The following YBEY variants were observed in gnomAD, a reference collection of about 807,000 sequenced individuals.
The protein encoded by YBEY is ybeY metalloendoribonuclease, also known as endoribonuclease YbeY.
In YBEY, 15 loss-of-function variants were observed where a neutral mutation model predicts 13.5. The ratio of observed to expected loss-of-function variants is 1.11; its 90% CI spans 0.75 to 1.72. YBEY has a LOEUF of 1.72. Ranked by LOEUF, YBEY falls within the 40% of genes most tolerant of loss-of-function variation. YBEY has a pLI of 0.00. For synonymous variants in YBEY, 101 were observed against 83.1 expected, an observed-to-expected ratio of 1.21 and a Z score of -1.17; for missense variants, 244 against 208.4, an observed-to-expected ratio of 1.17 and a Z score of -1.05.
At chr21:46,296,864 C>G (rs2081969412) in intron 4 of YBEY, among the ~76,000 whole-genome samples, 1 of 151,818 alleles carries the variant, frequency 6.6e-6, no homozygotes, top group South Asian at 2.1e-4. Flanking sequence ...CCTGGTGGTG[C>G]ATGCCTGTAA....
At chr21:46,306,507 A>C in the YBEY span, among the ~76,000 whole-genome samples, 1 of 152,116 alleles carries the variant, frequency 6.6e-6, no homozygotes, top group Admixed American at 6.6e-5. Flanking sequence ...TCGAAAAAAA[A>C]AATCTTTTAT....
chr21:46,299,750 G>GCCCCCCCCACCCCCCCCCCCCCCC (rs1555923145), downstream of YBEY, among the ~76,000 whole-genome samples: 1 of 147,268 alleles, frequency 6.8e-6, no homozygotes, highest in Non-Finnish European at 1.5e-5. Flanking sequence ...TGTGCCCTGA[G>GCCCCCCCCACCCCCCCCCCCCCCC]CCCCCCCCAC....
intron 3 of YBEY, 53 bp from the exon 4 acceptor site, chr21:46,296,109 G>A (rs562960312): frequency 1.2e-6 from 2 of 1,608,460 alleles, no homozygotes; most frequent in South Asian, 1.1e-5. Flanking sequence ...GGCCCTGAAG[G>A]GGCAGGTTCC....
intron 1 of YBEY, chr21:46,286,634 CCTT>C (rs2081446245): frequency 3.5e-6 from 1 of 283,446 alleles, no homozygotes; most frequent in African/African-American, 2.2e-5. Context: ...CAACCCGCCC[CCTT>C]TTCTCTGGGA....
chr21:46,305,739 A>C, the YBEY span, among the ~76,000 whole-genome samples: 2 of 151,032 alleles, frequency 1.3e-5, no homozygotes, highest in Admixed American at 1.3e-4. Context: ...GAAGATCGAG[A>C]CCATCCTGGC....
In YBEY at chr21:46,297,677, G is replaced by C. The variant is rs2081999159; in HGVS notation, c.*43G>C. ...AAAGCGGGACGCGGGAGGGGTGGAG[G>C]CTGCGGGGAGCCGGGGTCGCACACG... On this transcript the variant is annotated 3_prime_UTR_variant, in exon 5 of 5. Coordinates refer to ENST00000397701, the MANE Select transcript of YBEY (RefSeq NM_001314025.2). The C allele has an allele frequency of 1.6e-6, 2 of 1,275,546 alleles. No individual in the cohort carries two copies. The highest frequency in any genetic ancestry group is 2.0e-6 in the Non-Finnish European group (2 of 1,000,314). 79.0% of individuals were successfully genotyped at this position (1,275,546 alleles called of 1,614,324 possible).
chr21:46,311,659 C>T, the YBEY span: 1 of 567,292 alleles, frequency 1.8e-6, no homozygotes, highest in East Asian at 3.2e-5. Flanking sequence ...ACCCATCCAA[C>T]CAACCAACCA....
chr21:46,289,441 G>GTTTTTTTTTT lies in YBEY; in HGVS notation c.211-1889_211-1888insTTTTTTTTTT, dbSNP rs773002446. Among the ~76,000 whole-genome samples the GTTTTTTTTTT allele has an allele frequency of 3.7e-5, 5 of 136,520 alleles. 1 individual carries two copies. The highest frequency in any genetic ancestry group is 3.1e-5 in the Non-Finnish European group (2 of 63,836). The allele number at this position is 136,520 out of a possible 152,430, so 89.6% of individuals were successfully genotyped here. A position where few individuals can be genotyped will look rare whatever the true frequency, so the allele number is the denominator to read the frequency against. ...TTCAGGGAGGTAAAGGAAGGCAAGG[G>GTTTTTTTTTT]TTTTGTTTTTTTTTTTTTTTTTGAG... On this transcript the variant is annotated intron_variant, in intron 2 of 4. Coordinates refer to ENST00000397701, the MANE Select transcript of YBEY (RefSeq NM_001314025.2).
At chr21:46,291,524 C>T (rs1181132462) in intron 3 of YBEY, 62 bp downstream of exon 3, 3 of 1,601,392 alleles carry the variant, frequency 1.9e-6, no homozygotes, top group Middle Eastern at 1.7e-4. Flanking sequence ...GCAAAGGGGT[C>T]AAGATCACAA....
chr21:46,296,486 GTC>G (rs2081955586), intron 4 of YBEY, among the ~76,000 whole-genome samples: 1 of 152,192 alleles, frequency 6.6e-6, no homozygotes, highest in Admixed American at 6.5e-5. Flanking sequence ...GTGGCGCTTG[GTC>G]AAAAAGGTCC....
the YBEY span, among the ~76,000 whole-genome samples, chr21:46,311,117 C>T: frequency 1.3e-5 from 2 of 152,074 alleles, no homozygotes; most frequent in Non-Finnish European, 2.9e-5. Context: ...GGTAATCCAC[C>T]CGCCTCAGCC....
At chr21:46,289,033 G>A (rs974792654) in intron 2 of YBEY, among the ~76,000 whole-genome samples, 4 of 152,074 alleles carry the variant, frequency 2.6e-5, no homozygotes, top group African/African-American at 9.7e-5. Context: ...CAAAAAAAAA[G>A]TTACCATTTT....
the YBEY span, among the ~76,000 whole-genome samples, chr21:46,303,723 A>G: frequency 1.8e-4 from 4 of 22,638 alleles, no homozygotes; most frequent in Non-Finnish European, 2.6e-4. Flanking sequence ...ATATATATAT[A>G]TATATATATA....
intron 3 of YBEY, among the ~76,000 whole-genome samples, chr21:46,295,649 G>C (rs10854481): frequency 0.68 from 103,659 of 151,858 alleles, 36,653 homozygotes; most frequent in Non-Finnish European, 0.78. Flanking sequence ...TACCTCTCCC[G>C]CACTCCCTGT....
At chr21:46,303,830 C>G in the YBEY span, among the ~76,000 whole-genome samples, 4 of 140,858 alleles carry the variant, frequency 2.8e-5, no homozygotes, top group South Asian at 9.2e-4. Context: ...CGACTCACTG[C>G]AAGCTCCGCC....
chr21:46,310,079 G>A, the YBEY span, among the ~76,000 whole-genome samples: 1 of 152,124 alleles, frequency 6.6e-6, no homozygotes, highest in Non-Finnish European at 1.5e-5. Context: ...AGTTGCATGG[G>A]GGTGTAGGAG....
At chr21:46,312,401 C>G in the YBEY span, among the ~76,000 whole-genome samples, 1 of 152,138 alleles carries the variant, frequency 6.6e-6, no homozygotes, top group East Asian at 1.9e-4. Context: ...TCACTGCAAC[C>G]TCCGCCTCCC....
chr21:46,298,106 C>G (rs993327138), downstream of YBEY, among the ~76,000 whole-genome samples: 1 of 152,258 alleles, frequency 6.6e-6, no homozygotes, highest in East Asian at 1.9e-4. Flanking sequence ...GCCTCCCGGC[C>G]ACGGACACCG....
intron 3 of YBEY, among the ~76,000 whole-genome samples, chr21:46,294,803 T>C (rs925769579): frequency 6.6e-6 from 1 of 151,954 alleles, no homozygotes; most frequent in African/African-American, 2.4e-5. Flanking sequence ...AAGCCATGTA[T>C]GAGTGAATCA....
Sources: allele counts gnomAD v4.1 joint callset (sites outside exome capture counted in the v4.1 genomes callset), GRCh38; gene constraint gnomAD v4.1.1; transcripts MANE v1.5; gene names NCBI Gene and HGNC (gene_info 2026-07-23, HGNC 2026-07-21).